INPP5D: variants seen among roughly 807,000 people sequenced by gnomAD.
The protein encoded by INPP5D is inositol polyphosphate-5-phosphatase D, also known as phosphatidylinositol 3,4,5-trisphosphate 5-phosphatase 1.
A neutral mutation model predicts 122.9 loss-of-function variants in INPP5D; 33 were observed. The observed-to-expected ratio is 0.27, with a 90% CI of 0.20 to 0.36. INPP5D has a LOEUF of 0.36. Among genes scored for constraint, INPP5D ranks in the 10% least tolerant of loss-of-function variants. The pLI, the probability that INPP5D is intolerant of heterozygous loss-of-function variation, is 1.00. For missense variants in INPP5D, 1,053 were observed against 1,412.7 expected, an observed-to-expected ratio of 0.75 and a Z score of 4.08; for synonymous variants, 584 against 576.2, an observed-to-expected ratio of 1.01 and a Z score of -0.19.
chr2:233,142,280 G>T (rs1248409173), intron 6 of INPP5D, among the ~76,000 whole-genome samples: 3 of 152,172 alleles, frequency 2.0e-5, no homozygotes, highest in African/African-American at 7.2e-5. Context: ...TTCTTGATTT[G>T]TCTTTAGGAA....
rs374420630 is a variant in INPP5D, at chr2:233,182,360, C to T, written c.2072-50C>T. 5.8e-5 allele frequency: 93 copies of T among 1,609,026 alleles called. No homozygotes were observed. The African/African-American group carries it at 1.1e-3, about 19-fold the overall frequency. ...TTTAGGGTTGCCATCCTTGGCCTGA[C>T]CGGAAGGGCTTCTCCTTCCCTGCTT... is the stretch of plus-strand genomic sequence containing the variant. On this transcript the variant is annotated intron_variant, in intron 18 of 26. Coordinates refer to ENST00000445964, the MANE Select transcript of INPP5D (RefSeq NM_001017915.3).
At position 233,128,136 on chromosome 2, in the gene INPP5D, G is replaced by A. The variant is rs534608296; in HGVS notation, c.524+2217G>A. Among the ~76,000 whole-genome samples the A allele has an allele frequency of 2.7e-4, 41 of 152,282 alleles. No individual in the cohort carries two copies. The highest frequency in any genetic ancestry group is 4.3e-4 in the Non-Finnish European group (29 of 68,026). ...CAGCGGTGGCATTAGATTCTCATGA[G>A]TGTGAACCCGGTTGTGAACTGTGCA... On this transcript the variant is annotated intron_variant, in intron 4 of 26. Coordinates refer to ENST00000445964, the MANE Select transcript of INPP5D (RefSeq NM_001017915.3). This position sits in a 1 kb window ranked among gnomAD's most constrained non-coding sequence, Gnocchi z 4.5.
intron 1 of INPP5D, among the ~76,000 whole-genome samples, chr2:233,066,337 A>C: frequency 6.6e-6 from 1 of 152,236 alleles, no homozygotes; most frequent in Non-Finnish European, 1.5e-5. Context: ...CCTCACAGCC[A>C]GGCATTTCTC....
chr2:233,122,021 G>A (rs1167946021), intron 2 of INPP5D, 86 bp from the exon 3 acceptor site: 8 of 1,493,840 alleles, frequency 5.4e-6, no homozygotes, highest in Admixed American at 1.7e-5. Flanking sequence ...CCTCCGCCTC[G>A]CTGGTCTCTG....
At chr2:233,143,230 AT>A (rs1282837590) in intron 6 of INPP5D, among the ~76,000 whole-genome samples, 1 of 152,158 alleles carries the variant, frequency 6.6e-6, no homozygotes, top group Non-Finnish European at 1.5e-5. Context: ...AAGCTCCAGC[AT>A]TTTTCTAATA....
chr2:233,079,802 G>A (rs1449975634), intron 2 of INPP5D, among the ~76,000 whole-genome samples: 1 of 152,220 alleles, frequency 6.6e-6, no homozygotes, highest in African/African-American at 2.4e-5. Flanking sequence ...TGTTTTCTGA[G>A]GGGCTGCGAG....
In INPP5D at chr2:233,206,443, C is replaced by A. The variant is rs1695507214; in HGVS notation, c.3568-263C>A. Among the ~76,000 whole-genome samples the A allele has an allele frequency of 1.3e-5, 2 of 152,090 alleles. No homozygotes were observed. The highest frequency in any genetic ancestry group is 4.1e-4 in the South Asian group (2 of 4,824). On this transcript the variant is annotated intron_variant, in intron 26 of 26. Coordinates refer to ENST00000445964, the MANE Select transcript of INPP5D (RefSeq NM_001017915.3). The surrounding 1 kb of genome is among the most constrained non-coding windows in gnomAD (Gnocchi z 4.0). ...TGGGGAGGCTGAGGCATGAGGCTAG[C>A]TGGAACCCAAGAATTCAAGGCTGCA...
intron 18 of INPP5D, among the ~76,000 whole-genome samples, chr2:233,178,587 A>G (rs900791035): frequency 6.6e-6 from 1 of 151,700 alleles, no homozygotes; most frequent in Non-Finnish European, 1.5e-5. Flanking sequence ...GGTTCAAGTG[A>G]CTCTCCTGCC....
chr2:233,123,157 A>G (rs965135945), intron 3 of INPP5D, among the ~76,000 whole-genome samples: 3 of 152,146 alleles, frequency 2.0e-5, no homozygotes, highest in African/African-American at 7.2e-5. Flanking sequence ...AATATGTTGA[A>G]AAAAATGTAC....
At chr2:233,112,736 A>C (rs2106245214) in intron 2 of INPP5D, among the ~76,000 whole-genome samples, 1 of 152,236 alleles carries the variant, frequency 6.6e-6, no homozygotes, top group South Asian at 2.1e-4. Context: ...CAGTGGTACG[A>C]TCTCAGCTCA....
intron 24 of INPP5D, 44 bp downstream of exon 24, chr2:233,195,539 G>A: frequency 1.9e-6 from 3 of 1,611,702 alleles, no homozygotes; most frequent in Non-Finnish European, 2.5e-6. Context: ...TGGATATCAG[G>A]GACTCATGAC....
chr2:233,080,463 CAGAG>C (rs111601408), intron 2 of INPP5D, among the ~76,000 whole-genome samples: 3 of 148,546 alleles, frequency 2.0e-5, no homozygotes, highest in Middle Eastern at 3.4e-3. Context: ...GTGCACGTGA[CAGAG>C]AGAGAGAGAG....
intron 25 of INPP5D, among the ~76,000 whole-genome samples, chr2:233,199,447 A>T (rs2106326976): frequency 6.6e-6 from 1 of 150,958 alleles, no homozygotes; most frequent in South Asian, 2.1e-4. Context: ...GAGGCAGGAG[A>T]ATCGCTTGAA....
At chr2:233,181,986 C>G (rs1335346489) in intron 18 of INPP5D, among the ~76,000 whole-genome samples, 5 of 152,202 alleles carry the variant, frequency 3.3e-5, no homozygotes, top group Admixed American at 6.5e-5. Flanking sequence ...CTCCCAGCTA[C>G]TCGGGTGGCT....
chr2:233,115,616 A>G (rs1229783292), intron 2 of INPP5D, among the ~76,000 whole-genome samples: 1 of 152,028 alleles, frequency 6.6e-6, no homozygotes, highest in Non-Finnish European at 1.5e-5. Context: ...TACCTTCCCC[A>G]GGAGTATTGC....
In INPP5D at chr2:233,171,146, G is replaced by T. The variant is rs377483127; in HGVS notation, c.1983G>T (p.Ala661=). The T allele has an allele frequency of 5.5e-5, 88 of 1,613,498 alleles. No homozygotes were observed. The highest frequency in any genetic ancestry group is 7.1e-5 in the Non-Finnish European group (84 of 1,179,808). ...AATACGCCTACACCAAGCAGAAAGCGACAGGGGTGAGTCCTCTTCATAGAC... is the reference window on the plus strand; with the variant it reads ...AATACGCCTACACCAAGCAGAAAGCTACAGGGGTGAGTCCTCTTCATAGAC... ...RDKYAYTKQK[A]TGMKYNLPSW... is the part of the protein sequence containing the mutation. Residue 661 remains alanine, a synonymous_variant, in exon 17 of 27, where the codon GCG becomes GCT. Transcript: ENST00000445964.
At chr2:233,134,958 A>G (rs762588991) in intron 5 of INPP5D, among the ~76,000 whole-genome samples, 3 of 129,688 alleles carry the variant, frequency 2.3e-5, no homozygotes, top group Non-Finnish European at 5.5e-5. Context: ...TGAAAAGATT[A>G]AGCAAACCTA....
At position 233,164,280 on chromosome 2, in the gene INPP5D, A is replaced by G; in HGVS notation, c.1438-27A>G. ...TGGTTCACACCCTACACTTGGGCCG[A>G]GTATTGCAACGTTGTCCTCCCACCA... On this transcript the variant is annotated intron_variant, in intron 12 of 26. Transcript: ENST00000445964. The surrounding 1 kb of genome is among the most constrained non-coding windows in gnomAD (Gnocchi z 4.3). The G allele has an allele frequency of 6.5e-7, 1 of 1,535,854 alleles. No homozygotes were observed. The highest frequency in any genetic ancestry group is 8.8e-7 in the Non-Finnish European group (1 of 1,138,028).
rs1171735713 is a variant in INPP5D at position 233,183,110 on chromosome 2, C to T, written c.2161+611C>T. On this transcript the variant is annotated intron_variant, in intron 19 of 26. Coordinates refer to ENST00000445964, the MANE Select transcript of INPP5D (RefSeq NM_001017915.3). This position sits in a 1 kb window ranked among gnomAD's most constrained non-coding sequence, Gnocchi z 4.6. ...TTTGCAGGTAATTTTTCAAATAATC[C>T]AGCTCAGCCCTGGTTGCCAGGCCAC... Among the ~76,000 whole-genome samples the T allele has an allele frequency of 6.6e-6, 1 of 152,040 alleles. No individual in the cohort carries two copies. The highest frequency in any genetic ancestry group is 1.5e-5 in the Non-Finnish European group (1 of 68,026).
Sources: gnomAD v4.1 joint callset for allele counts (sites outside exome capture counted in the v4.1 genomes callset) on GRCh38, gnomAD v4.1.1 for gene constraint, Gnocchi (gnomAD v3.1) non-coding constraint, MANE v1.5 for transcripts, NCBI Gene and HGNC (gene_info 2026-07-23, HGNC 2026-07-21) for gene names.